Variants in KCND2 observed in about 807,000 individuals in gnomAD.
KCND2 encodes potassium voltage-gated channel subfamily D member 2.
In KCND2, 16 loss-of-function variants were observed where a neutral mutation model predicts 54.4. That is an observed-to-expected ratio of 0.29 (90% CI 0.20 to 0.45). The LOEUF (loss-of-function observed/expected upper bound fraction) is 0.45, where lower values mean the gene tolerates loss of function less well. KCND2 is among the 20% of genes least tolerant of loss of function. The pLI, the probability that KCND2 is intolerant of heterozygous loss-of-function variation, is 1.00. For synonymous variants in KCND2, 317 were observed against 310.7 expected, an observed-to-expected ratio of 1.02 and a Z score of -0.21; for missense variants, 486 against 824.2, an observed-to-expected ratio of 0.59 and a Z score of 5.02.
chr7:120,675,019 A>T (rs986445551), intron 1 of KCND2, among the ~76,000 whole-genome samples: 4 of 146,196 alleles, frequency 2.7e-5, no homozygotes, highest in African/African-American at 1.1e-4. Context: ...CAGAAGTTAA[A>T]AAAAAAAAAA....
chr7:120,413,976 A>G (rs568406057), intron 1 of KCND2, among the ~76,000 whole-genome samples: 2 of 151,868 alleles, frequency 1.3e-5, no homozygotes, highest in South Asian at 2.1e-4. Context: ...AACATGTACA[A>G]TAAGTTAATC....
chr7:120,538,461 T>G (rs1288871493), intron 1 of KCND2, among the ~76,000 whole-genome samples: 1 of 152,198 alleles, frequency 6.6e-6, no homozygotes, highest in Non-Finnish European at 1.5e-5. Context: ...CACAGGCCAC[T>G]GGGACAACTA....
intron 1 of KCND2, among the ~76,000 whole-genome samples, chr7:120,524,204 C>T (rs1252639787): frequency 6.6e-6 from 1 of 151,468 alleles, no homozygotes; most frequent in East Asian, 1.9e-4. Context: ...CACTGCACTC[C>T]AGACTGGGCG....
At chr7:120,402,392 G>C (rs998621686) in intron 1 of KCND2, among the ~76,000 whole-genome samples, 2 of 152,080 alleles carry the variant, frequency 1.3e-5, no homozygotes, top group Non-Finnish European at 2.9e-5. Context: ...TTTTGAAAAC[G>C]ATAAACATTT....
chr7:120,747,316 A>G (rs959606234), intron 5 of KCND2, among the ~76,000 whole-genome samples: 7 of 152,138 alleles, frequency 4.6e-5, no homozygotes, highest in African/African-American at 1.7e-4. Flanking sequence ...TCAATGTGAT[A>G]TGGCTCTTTC....
At chr7:120,543,389 C>T (rs1792005929) in intron 1 of KCND2, among the ~76,000 whole-genome samples, 1 of 151,732 alleles carries the variant, frequency 6.6e-6, no homozygotes, top group African/African-American at 2.4e-5. Flanking sequence ...AACAACTTTC[C>T]CCTTAAGAGA....
intron 1 of KCND2, among the ~76,000 whole-genome samples, chr7:120,377,415 T>A (rs1221043810): frequency 8.6e-5 from 13 of 151,958 alleles, no homozygotes; most frequent in Non-Finnish European, 1.5e-5. Context: ...TTGTTAAAAA[T>A]GTGATTCCTT....
At chr7:120,635,260 A>G (rs1793289805) in intron 1 of KCND2, among the ~76,000 whole-genome samples, 2 of 152,224 alleles carry the variant, frequency 1.3e-5, no homozygotes, top group Admixed American at 1.3e-4. Context: ...CTGATGTAGC[A>G]GATAAGTGAA....
chr7:120,582,249 G>T (rs1285296238), intron 1 of KCND2, among the ~76,000 whole-genome samples: 1 of 151,944 alleles, frequency 6.6e-6, no homozygotes, highest in Non-Finnish European at 1.5e-5. Context: ...CCTCTCCATT[G>T]TGATTTTTTT....
At chr7:120,341,261 G>A (rs964968875) in intron 1 of KCND2, among the ~76,000 whole-genome samples, 10 of 152,184 alleles carry the variant, frequency 6.6e-5, no homozygotes, top group African/African-American at 2.4e-4. Context: ...ATAGTGGAGA[G>A]TACATGGACT....
intron 1 of KCND2, among the ~76,000 whole-genome samples, chr7:120,325,121 G>C (rs1799955266): frequency 6.8e-6 from 1 of 146,810 alleles, no homozygotes; most frequent in Admixed American, 7.0e-5. Flanking sequence ...TGGTGTATAA[G>C]AATGCTTGTG....
intron 1 of KCND2, among the ~76,000 whole-genome samples, chr7:120,410,992 A>C (rs1801442326): frequency 6.6e-6 from 1 of 151,888 alleles, no homozygotes; most frequent in African/African-American, 2.4e-5. Flanking sequence ...GAGGAAGTCA[A>C]ATTGTCCCTG....
At chr7:120,288,417 A>C (rs1462277517) in intron 1 of KCND2, among the ~76,000 whole-genome samples, 2 of 152,162 alleles carry the variant, frequency 1.3e-5, no homozygotes, top group Non-Finnish European at 2.9e-5. Context: ...AAGGGATTTC[A>C]AATGTGCAGG....
At chr7:120,356,209 A>G (rs1430496591) in intron 1 of KCND2, among the ~76,000 whole-genome samples, 2 of 152,058 alleles carry the variant, frequency 1.3e-5, no homozygotes, top group African/African-American at 4.8e-5. Context: ...CTAATGGAAA[A>G]CTACTGAGAT....
intron 1 of KCND2, among the ~76,000 whole-genome samples, chr7:120,476,031 A>G (rs1802528883): frequency 6.6e-6 from 1 of 152,222 alleles, no homozygotes; most frequent in Non-Finnish European, 1.5e-5. Flanking sequence ...AAAATAATGC[A>G]TTAGGTTTTA....
In KCND2 at chr7:120,680,104, C is replaced by A. The variant is rs143911007; in HGVS notation, c.1116-52799C>A. ...ACAAGACAATCTAAAGGAGAGCATTCATTAACTGATATAAGAAACAACAGT... is the reference window on the plus strand; with the variant it reads ...ACAAGACAATCTAAAGGAGAGCATTAATTAACTGATATAAGAAACAACAGT... On this transcript the variant is annotated intron_variant, in intron 1 of 5. Transcript: ENST00000331113. 1.0e-2 allele frequency among the ~76,000 whole-genome samples: 1,520 copies of A among 152,214 alleles called. 9 individuals are homozygous for A. The highest frequency in any genetic ancestry group is 0.015 in the Non-Finnish European group (1,038 of 67,960).
At chr7:120,414,531 T>G (rs73433850) in intron 1 of KCND2, among the ~76,000 whole-genome samples, 4,131 of 152,250 alleles carry the variant, frequency 0.027, 172 homozygotes, top group African/African-American at 0.091. Flanking sequence ...TACTAGAACC[T>G]TGTATCACAT....
At chr7:120,738,862 C>A (rs1256533712) in intron 2 of KCND2, among the ~76,000 whole-genome samples, 1 of 152,164 alleles carries the variant, frequency 6.6e-6, no homozygotes, top group East Asian at 1.9e-4. Context: ...AATCACAAGT[C>A]ATGAAGGCTA....
chr7:120,601,790 T>C (rs1370573361), intron 1 of KCND2, among the ~76,000 whole-genome samples: 1 of 152,146 alleles, frequency 6.6e-6, no homozygotes, highest in African/African-American at 2.4e-5. Flanking sequence ...TAGTTGAAAT[T>C]GTCAACTAAA....
Sources: gnomAD v4.1 joint callset for allele counts (sites outside exome capture counted in the v4.1 genomes callset) on GRCh38, gnomAD v4.1.1 for gene constraint, MANE v1.5 for transcripts, NCBI Gene and HGNC (gene_info 2026-07-23, HGNC 2026-07-21) for gene names.